The following CTNNA3 variants were observed in gnomAD, a reference collection of about 807,000 sequenced individuals.
The protein encoded by CTNNA3 is catenin alpha 3.
A neutral mutation model predicts 95.7 loss-of-function variants in CTNNA3; 76 were observed. The ratio of observed to expected loss-of-function variants is 0.79; its 90% CI spans 0.66 to 0.96. The LOEUF (loss-of-function observed/expected upper bound fraction) is 0.96, where lower values mean the gene tolerates loss of function less well. Ranked by LOEUF, CTNNA3 falls within the 40% of genes least tolerant of loss-of-function variation. CTNNA3 has a pLI of 0.00. For missense variants in CTNNA3, 1,191 were observed against 1,089.8 expected (o/e 1.09, Z -1.31); for synonymous variants, 431 against 374.4 (o/e 1.15, Z -1.74).
chr10:66,302,606 T>G (rs1397936451), intron 12 of CTNNA3, among the ~76,000 whole-genome samples: 2 of 152,140 alleles, frequency 1.3e-5, no homozygotes, highest in African/African-American at 4.8e-5. Flanking sequence ...TACAGTTGCC[T>G]TGCACCAATG....
intron 5 of CTNNA3, among the ~76,000 whole-genome samples, chr10:67,232,064 G>C (rs929995230): frequency 1.3e-5 from 2 of 152,030 alleles, no homozygotes; most frequent in Admixed American, 6.6e-5. Context: ...CGGGGAGAAT[G>C]GAACCAAGTT....
intron 13 of CTNNA3, among the ~76,000 whole-genome samples, chr10:66,224,341 C>G (rs918525941): frequency 1.3e-5 from 2 of 152,176 alleles, no homozygotes; most frequent in Non-Finnish European, 2.9e-5. Flanking sequence ...AGTGGAGATT[C>G]AAACTAATGC....
chr10:66,962,361 G>A (rs960993312), intron 7 of CTNNA3, among the ~76,000 whole-genome samples: 2 of 151,614 alleles, frequency 1.3e-5, no homozygotes, highest in African/African-American at 4.8e-5. Context: ...TGCCCCAAAT[G>A]TCTGCCTCCT....
At chr10:67,268,562 T>G (rs1866928765) in intron 5 of CTNNA3, among the ~76,000 whole-genome samples, 1 of 151,982 alleles carries the variant, frequency 6.6e-6, no homozygotes, top group Non-Finnish European at 1.5e-5. Flanking sequence ...CCTTTTTTGT[T>G]TTTCAAAATG....
chr10:67,187,540 ATC>A (rs1862911528), intron 6 of CTNNA3, among the ~76,000 whole-genome samples: 1 of 149,984 alleles, frequency 6.7e-6, no homozygotes, highest in East Asian at 2.0e-4. Flanking sequence ...CTCTCTCTTT[ATC>A]TCTCTCTCTT....
intron 7 of CTNNA3, among the ~76,000 whole-genome samples, chr10:67,154,115 A>T (rs1324766009): frequency 1.3e-5 from 2 of 152,178 alleles, no homozygotes; most frequent in African/African-American, 4.8e-5. Flanking sequence ...ATACATTTCA[A>T]TATTTTATTT....
intron 11 of CTNNA3, among the ~76,000 whole-genome samples, chr10:66,508,579 T>C (rs1840547236): frequency 6.6e-6 from 1 of 152,142 alleles, no homozygotes; most frequent in African/African-American, 2.4e-5. Flanking sequence ...TATAATTTTA[T>C]ACTACTTTAA....
chr10:66,119,480 T>C (rs1427896671), intron 13 of CTNNA3, among the ~76,000 whole-genome samples: 1 of 152,194 alleles, frequency 6.6e-6, no homozygotes, highest in Non-Finnish European at 1.5e-5. Flanking sequence ...CTCTTCAAGA[T>C]TTTCTAGGAT....
rs533998981 is a variant in CTNNA3, at chr10:66,878,378, G to A, written c.1048-102854C>T. Among the ~76,000 whole-genome samples, 27 of 152,216 alleles carry A rather than the reference G, an allele frequency of 1.8e-4. 1 individual carries two copies. In the South Asian group the frequency reaches 5.6e-3, roughly 32 times the overall value. ...CCATGAAAACATATGAAACAGAGCA[G>A]TGCATACAATTTCACAAGCTTCACG... On this transcript the variant is annotated intron_variant, in intron 7 of 17. Transcript: ENST00000433211.
intron 13 of CTNNA3, among the ~76,000 whole-genome samples, chr10:66,244,412 C>T (rs922139079): frequency 3.9e-5 from 6 of 152,096 alleles, no homozygotes; most frequent in Admixed American, 2.0e-4. Flanking sequence ...AGGCAGTAGC[C>T]AGGTAGTAGT....
At chr10:66,481,619 C>T (rs1302985936) in intron 11 of CTNNA3, among the ~76,000 whole-genome samples, 1 of 147,474 alleles carries the variant, frequency 6.8e-6, no homozygotes, top group Non-Finnish European at 1.5e-5. Context: ...CTACAGGCGC[C>T]TGCCACCACG....
Position 66,156,788 on chromosome 10 carries a change from G to A in CTNNA3, c.1885-53539C>T, listed in dbSNP as rs146875166. On this transcript the variant is annotated intron_variant, in intron 13 of 17. Coordinates refer to ENST00000433211, the MANE Select transcript of CTNNA3 (RefSeq NM_013266.4). Reference sequence around the variant, plus strand: ...TAGGATTTTGAGTTCCAACATAGTGGGAAGCCAGATCATATAGTGCCTTCA... The same window carrying A: ...TAGGATTTTGAGTTCCAACATAGTGAGAAGCCAGATCATATAGTGCCTTCA... 1.2e-4 allele frequency among the ~76,000 whole-genome samples: 18 copies of A among 151,964 alleles called. No homozygotes were observed. The East Asian group carries it at 3.3e-3, about 28-fold the overall frequency.
rs1223416808 is a variant in CTNNA3, at chr10:66,233,518, T to C, written c.1884+46952A>G. Among the ~76,000 whole-genome samples, 3 of 152,164 alleles carry C rather than the reference T, an allele frequency of 2.0e-5. No individual in the cohort carries two copies. In the East Asian group the frequency reaches 5.8e-4, roughly 29 times the overall value. The stretch of plus-strand genomic sequence containing the variant: ...CTTATTTATGAGTGTCTTAAATAGG[T>C]ACTTTACAAAATAGAAATTTACATG... On this transcript the variant is annotated intron_variant, in intron 13 of 17. Transcript: ENST00000433211.
At chr10:67,041,415 C>T (rs1854388826) in intron 7 of CTNNA3, among the ~76,000 whole-genome samples, 1 of 152,056 alleles carries the variant, frequency 6.6e-6, no homozygotes, top group Non-Finnish European at 1.5e-5. Flanking sequence ...TTAGTATTAA[C>T]TGTATACCTA....
At chr10:66,647,352 C>T (rs1845741101) in intron 9 of CTNNA3, among the ~76,000 whole-genome samples, 1 of 152,000 alleles carries the variant, frequency 6.6e-6, no homozygotes, top group Non-Finnish European at 1.5e-5. Flanking sequence ...AGGAAAGTAA[C>T]TATGACTAGG....
chr10:67,439,448 G>A (rs112050475), intron 5 of CTNNA3, among the ~76,000 whole-genome samples: 2,809 of 152,114 alleles, frequency 0.018, 85 homozygotes, highest in African/African-American at 0.059. Context: ...TTACATGGCC[G>A]GAGCAAGAGC....
At chr10:67,361,866 C>T (rs1348207541) in intron 5 of CTNNA3, among the ~76,000 whole-genome samples, 1 of 151,920 alleles carries the variant, frequency 6.6e-6, no homozygotes, top group Non-Finnish European at 1.5e-5. Context: ...AAGATCCATA[C>T]ACTGCTAGTC....
chr10:66,693,270 A>G (rs1446850898), intron 9 of CTNNA3, among the ~76,000 whole-genome samples: 1 of 151,572 alleles, frequency 6.6e-6, no homozygotes, highest in East Asian at 2.0e-4. Context: ...AGGAAGATCT[A>G]TCAAGCAAAT....
intron 9 of CTNNA3, among the ~76,000 whole-genome samples, chr10:66,654,068 C>T (rs1845996589): frequency 6.6e-6 from 1 of 151,852 alleles, no homozygotes; most frequent in South Asian, 2.1e-4. Context: ...TGGATATGAT[C>T]TCAAAAGAAA....
Sources: gnomAD v4.1 joint callset for allele counts (sites outside exome capture counted in the v4.1 genomes callset) on GRCh38, gnomAD v4.1.1 for gene constraint, MANE v1.5 for transcripts, NCBI Gene and HGNC (gene_info 2026-07-23, HGNC 2026-07-21) for gene names.